The following RALA variants were observed in gnomAD, a reference collection of about 807,000 sequenced individuals.
RALA encodes ras-related protein Ral-A.
Under a neutral mutation model 24.0 loss-of-function variants are expected in RALA, and 5 were observed. The observed-to-expected ratio is 0.21, with a 90% confidence interval of 0.11 to 0.44. The LOEUF is 0.44. Ranked by LOEUF, RALA falls within the 20% of genes least tolerant of loss-of-function variation. RALA has a pLI of 0.99. For missense variants in RALA, 95 were observed against 241.2 expected (o/e 0.39, Z 4.01); for synonymous variants, 77 against 83.8 (o/e 0.92, Z 0.44).
rs544597683 is a variant in RALA, at chr7:39,663,933, A to G, written c.-37-22698A>G. 2.0e-5 allele frequency among the ~76,000 whole-genome samples: 3 copies of G among 152,372 alleles called. No homozygotes were observed. In the South Asian group the frequency reaches 6.2e-4, roughly 32 times the overall value. On this transcript the variant is annotated intron_variant, in intron 1 of 4. Coordinates refer to ENST00000005257, the MANE Select transcript of RALA (RefSeq NM_005402.4). ...TTTAATGCCAGCAAGGGATGGTTTGATAATTTTAGAAAGAGGTTTGGCTTT... is the reference window on the plus strand; with the variant it reads ...TTTAATGCCAGCAAGGGATGGTTTGGTAATTTTAGAAAGAGGTTTGGCTTT...
At chr7:39,671,343 C>T (rs1393751327) in intron 1 of RALA, among the ~76,000 whole-genome samples, 1 of 152,180 alleles carries the variant, frequency 6.6e-6, no homozygotes, top group Non-Finnish European at 1.5e-5. Context: ...TTTCAAGTCT[C>T]AGCCATCACT....
intron 1 of RALA, among the ~76,000 whole-genome samples, chr7:39,682,517 C>A (rs1482328308): frequency 6.6e-6 from 1 of 152,240 alleles, no homozygotes; most frequent in Non-Finnish European, 1.5e-5. Context: ...AATCCAAACA[C>A]TTCCGGGGCC....
At chr7:39,625,704 T>A (rs1317539591) in intron 1 of RALA, among the ~76,000 whole-genome samples, 1 of 152,246 alleles carries the variant, frequency 6.6e-6, no homozygotes, top group Non-Finnish European at 1.5e-5. Flanking sequence ...CACAGGGCTT[T>A]CCAAAGGAAG....
chr7:39,632,181 A>G (rs1583703148), intron 1 of RALA, among the ~76,000 whole-genome samples: 1 of 152,260 alleles, frequency 6.6e-6, no homozygotes, highest in Non-Finnish European at 1.5e-5. Context: ...TTACATTTCA[A>G]CATGAAACTT....
chr7:39,678,866 C>T (rs73387357), intron 1 of RALA, among the ~76,000 whole-genome samples: 4,381 of 152,024 alleles, frequency 0.029, 226 homozygotes, highest in African/African-American at 0.099. Context: ...ATAAAGTATA[C>T]ATTTACATGA....
intron 1 of RALA, among the ~76,000 whole-genome samples, chr7:39,639,452 G>A (rs1481927085): frequency 6.6e-6 from 1 of 152,214 alleles, no homozygotes; most frequent in Admixed American, 6.5e-5. Context: ...CTCCATGAGA[G>A]GCTGAAATAG....
chr7:39,663,470 A>C (rs1583727006), intron 1 of RALA, among the ~76,000 whole-genome samples: 1 of 152,180 alleles, frequency 6.6e-6, no homozygotes, highest in African/African-American at 2.4e-5. Flanking sequence ...GGGACCCATA[A>C]GAAATGTTAC....
intron 1 of RALA, among the ~76,000 whole-genome samples, chr7:39,638,122 G>A (rs868724749): frequency 6.6e-6 from 1 of 151,852 alleles, no homozygotes; most frequent in Non-Finnish European, 1.5e-5. Flanking sequence ...CTGTCACTTA[G>A]GCTGAATGCT....
intron 1 of RALA, among the ~76,000 whole-genome samples, chr7:39,676,448 A>C (rs892554049): frequency 5.3e-5 from 8 of 152,138 alleles, no homozygotes; most frequent in Non-Finnish European, 1.0e-4. Flanking sequence ...AGTGTTTGGG[A>C]TTTTGGATTT....
At chr7:39,653,417 C>T (rs1792051027) in intron 1 of RALA, among the ~76,000 whole-genome samples, 1 of 152,146 alleles carries the variant, frequency 6.6e-6, no homozygotes, top group Non-Finnish European at 1.5e-5. Context: ...GCTTTGACTA[C>T]CTGGCTTAAG....
intron 4 of RALA, among the ~76,000 whole-genome samples, chr7:39,701,318 C>T (rs776930580): frequency 1.3e-5 from 2 of 152,112 alleles, no homozygotes; most frequent in Non-Finnish European, 2.9e-5. Flanking sequence ...TGAGACCAGC[C>T]CGGGCAACAT....
chr7:39,691,309 TTTAA>T (rs1381622840), intron 3 of RALA, among the ~76,000 whole-genome samples: 3 of 152,238 alleles, frequency 2.0e-5, no homozygotes, highest in Non-Finnish European at 4.4e-5. Flanking sequence ...TCAAGTGTTC[TTTAA>T]TTAAATGATA....
intron 1 of RALA, among the ~76,000 whole-genome samples, chr7:39,674,314 C>T (rs1465065648): frequency 6.6e-6 from 1 of 152,074 alleles, no homozygotes; most frequent in African/African-American, 2.4e-5. Flanking sequence ...GTTTTATGAA[C>T]AATTTTATCA....
intron 1 of RALA, among the ~76,000 whole-genome samples, chr7:39,684,649 G>A (rs1792665489): frequency 6.7e-6 from 1 of 149,978 alleles, no homozygotes; most frequent in Non-Finnish European, 1.5e-5. Context: ...GCTTCCCCGG[G>A]CCACATTGGA....
chr7:39,704,848 G>C (rs1056163795), intron 4 of RALA, among the ~76,000 whole-genome samples: 1 of 151,598 alleles, frequency 6.6e-6, no homozygotes, highest in Admixed American at 6.6e-5. Flanking sequence ...GCTAATTTTT[G>C]TATTTTTTGT....
intron 3 of RALA, among the ~76,000 whole-genome samples, chr7:39,696,026 T>C (rs1452374189): frequency 6.6e-6 from 1 of 152,220 alleles, no homozygotes; most frequent in Admixed American, 6.5e-5. Flanking sequence ...CTCCATTTTA[T>C]AGATGAGGAA....
chr7:39,706,064 G>A, intron 4 of RALA, 59 bp from the exon 5 acceptor site: 1 of 1,459,062 alleles, frequency 6.9e-7, no homozygotes, highest in Non-Finnish European at 9.4e-7. Flanking sequence ...CTGTGATTTG[G>A]AGAAGTACCA....
intron 1 of RALA, among the ~76,000 whole-genome samples, chr7:39,664,732 G>A (rs1407186875): frequency 6.6e-6 from 1 of 151,926 alleles, no homozygotes; most frequent in African/African-American, 2.4e-5. Flanking sequence ...AACTGTGTCC[G>A]AATGTTGTGT....
chr7:39,682,590 G>T (rs1249234811), intron 1 of RALA, among the ~76,000 whole-genome samples: 1 of 152,144 alleles, frequency 6.6e-6, no homozygotes. Flanking sequence ...TTACTCTCCA[G>T]TCATTCACTA....
Sources: gnomAD v4.1 joint callset for allele counts (sites outside exome capture counted in the v4.1 genomes callset) on GRCh38, gnomAD v4.1.1 for gene constraint, MANE v1.5 for transcripts, NCBI Gene and HGNC (gene_info 2026-07-23, HGNC 2026-07-21) for gene names.